Variants in MANSC4 observed in about 807,000 individuals in gnomAD.
MANSC4 encodes MANSC domain containing 4.
A neutral mutation model predicts 11.4 loss-of-function variants in MANSC4; 11 were observed. The ratio of observed to expected loss-of-function variants is 0.97; its 90% CI spans 0.61 to 1.60. The LOEUF (loss-of-function observed/expected upper bound fraction) is 1.60. MANSC4 is among the 40% of genes most tolerant of loss of function. MANSC4 has a pLI of 0.00. For missense variants in MANSC4, 354 were observed against 404.6 expected, an observed-to-expected ratio of 0.88 and a Z score of 1.07; for synonymous variants, 123 against 147.1, an observed-to-expected ratio of 0.84 and a Z score of 1.19.
Position 27,778,269 on chromosome 12 carries a change from A to G in MANSC4, c.-307+1941T>C, listed in dbSNP as rs548624019. 1.4e-4 allele frequency among the ~76,000 whole-genome samples: 22 copies of G among 152,042 alleles called. No homozygotes were observed. In the South Asian group the frequency reaches 4.2e-3, roughly 29 times the overall value. ...ATTTTTTTTTCTAAAAAATAAAAAG[A>G]TAAACCTCCTTTCCCAAGTAATAAT... is the stretch of plus-strand genomic sequence containing the variant. On this transcript the variant is annotated intron_variant, in intron 1 of 3. Transcript: ENST00000381273.
rs562650215 is a variant in MANSC4, at chr12:27,766,024, C to G, written c.364+641G>C. Among the ~76,000 whole-genome samples, 362 of 151,856 alleles carry G rather than the reference C, an allele frequency of 2.4e-3. 1 individual carries two copies. Among genetic ancestry groups the G allele is most frequent in the South Asian group, 0.011 (52 of 4,802 alleles). The stretch of plus-strand genomic sequence containing the variant: ...CAGTGTCCATGGCCCTCAAAACTTC[C>G]ATTTAGCATTTTCTTTATCTCCTAG... On this transcript the variant is annotated intron_variant, in intron 3 of 3. Coordinates refer to ENST00000381273, the MANE Select transcript of MANSC4 (RefSeq NM_001146221.5).
At chr12:27,770,862 G>A (rs530226334) in intron 2 of MANSC4, among the ~76,000 whole-genome samples, 186 bp downstream of exon 2, 1 of 152,296 alleles carries the variant, frequency 6.6e-6, no homozygotes, top group South Asian at 2.1e-4. Flanking sequence ...AATAGAGCCT[G>A]CTGTGGCCCA....
chr12:27,774,545 T>C (rs1376502313), intron 1 of MANSC4, among the ~76,000 whole-genome samples: 1 of 152,216 alleles, frequency 6.6e-6, no homozygotes, highest in Non-Finnish European at 1.5e-5. Context: ...TTTCTGGATA[T>C]TGTTATTTAA....
intron 1 of MANSC4, among the ~76,000 whole-genome samples, chr12:27,772,359 C>T (rs1001056456): frequency 1.3e-5 from 2 of 152,192 alleles, no homozygotes; most frequent in Non-Finnish European, 2.9e-5. Flanking sequence ...AATCTGTGAT[C>T]CGTATTTCTT....
intron 1 of MANSC4, among the ~76,000 whole-genome samples, chr12:27,777,203 T>G (rs2062122331): frequency 6.6e-6 from 1 of 152,194 alleles, no homozygotes; most frequent in East Asian, 1.9e-4. Context: ...TGCACATCAT[T>G]CTTTGAGCAT....
chr12:27,769,413 G>T (rs967712999), intron 2 of MANSC4, among the ~76,000 whole-genome samples: 1 of 152,160 alleles, frequency 6.6e-6, no homozygotes, highest in Non-Finnish European at 1.5e-5. Context: ...TGTTCTGAAG[G>T]AAGAAAGCCA....
At position 27,766,317 on chromosome 12, in the gene MANSC4, T is replaced by C. The variant is rs182507566; in HGVS notation, c.364+348A>G. 5.6e-3 allele frequency among the ~76,000 whole-genome samples: 848 copies of C among 152,224 alleles called. 7 individuals carry two copies. The highest frequency in any genetic ancestry group is 0.018 in the African/African-American group (764 of 41,548). ...TCTTGACCTTGTGATCTGCCCACCT[T>C]GGCCTCCCAAAGTGCTGGGATTACA... On this transcript the variant is annotated intron_variant, in intron 3 of 3. Transcript: ENST00000381273.
At chr12:27,766,273 G>T (rs755835185) in intron 3 of MANSC4, among the ~76,000 whole-genome samples, 1 of 152,158 alleles carries the variant, frequency 6.6e-6, no homozygotes, top group East Asian at 1.9e-4. Flanking sequence ...TCACCATGTT[G>T]GCCAGGATGT....
intron 1 of MANSC4, among the ~76,000 whole-genome samples, chr12:27,774,179 C>A (rs1047957433): frequency 1.1e-4 from 16 of 151,566 alleles, no homozygotes; most frequent in Admixed American, 5.3e-4. Flanking sequence ...AAAAAAAAAA[C>A]CCCAGAAATA....
intron 1 of MANSC4, among the ~76,000 whole-genome samples, chr12:27,774,211 G>T (rs11049139): frequency 0.16 from 24,534 of 151,892 alleles, 2,538 homozygotes; most frequent in Non-Finnish European, 0.23. Context: ...GGAATATTGA[G>T]GAACTGAAAA....
rs575725311 is a variant in MANSC4, at chr12:27,762,642, C to T, written c.*96G>A. The T allele has an allele frequency of 4.8e-5, 59 of 1,222,662 alleles. No homozygotes were observed. Among genetic ancestry groups the T allele is most frequent in the Middle Eastern group, 2.8e-4 (1 of 3,518 alleles). The allele number at this position is 1,222,662 out of a possible 1,614,324, so 75.7% of individuals were successfully genotyped here. On this transcript the variant is annotated 3_prime_UTR_variant, in exon 4 of 4. Coordinates refer to ENST00000381273, the MANE Select transcript of MANSC4 (RefSeq NM_001146221.5). ...TTGGGATTACAGGCATGAACCACCACGCCCAGCCTATTTTTTTTTTTTAAC... is the reference window on the plus strand; with the variant it reads ...TTGGGATTACAGGCATGAACCACCATGCCCAGCCTATTTTTTTTTTTTAAC...
chr12:27,771,384 G>A lies in MANSC4; in HGVS notation c.-108C>T, dbSNP rs1310898372. The A allele has an allele frequency of 1.1e-6, 1 of 935,706 alleles. No homozygotes were observed. The highest frequency in any genetic ancestry group is 1.6e-6 in the Non-Finnish European group (1 of 633,272). The allele number at this position is 935,706 out of a possible 1,614,324, so 58.0% of individuals were successfully genotyped here. On this transcript the variant is annotated 5_prime_UTR_variant, in exon 2 of 4. Coordinates refer to ENST00000381273, the MANE Select transcript of MANSC4 (RefSeq NM_001146221.5). ...ACGTCAGAGGTGTTGTTAAGGGAGA[G>A]CTTCCTTGCAGCTTTTCTGGAGAGT... is the stretch of plus-strand genomic sequence containing the variant.
chr12:27,778,119 G>A lies in MANSC4; in HGVS notation c.-307+2091C>T, dbSNP rs540423546. On this transcript the variant is annotated intron_variant, in intron 1 of 3. Coordinates refer to ENST00000381273, the MANE Select transcript of MANSC4 (RefSeq NM_001146221.5). ...TCATGCCTGGAATCCCAGCTACTCC[G>A]GAGGCTGAGGCAGGAGAATCACTTG... Among the ~76,000 whole-genome samples the A allele has an allele frequency of 9.1e-4, 138 of 151,870 alleles. 1 individual carries two copies. Among genetic ancestry groups the A allele is most frequent in the Middle Eastern group, 3.4e-3 (1 of 292 alleles).
chr12:27,780,230 G>A lies in MANSC4; in HGVS notation c.-327C>T, dbSNP rs575826009. On this transcript the variant is annotated 5_prime_UTR_variant, in exon 1 of 4. Transcript: ENST00000381273. This position sits in a 1 kb window ranked among gnomAD's most constrained non-coding sequence, Gnocchi z 8.8. ...CTCACCTCGCCGCTCCTCCCGGGCCGCCATCCCTCGGCGCCCCGCCCGGAA... is the reference window on the plus strand; with the variant it reads ...CTCACCTCGCCGCTCCTCCCGGGCCACCATCCCTCGGCGCCCCGCCCGGAA... 1.2e-3 allele frequency: 1,422 copies of A among 1,169,924 alleles called. 17 individuals carry two copies. The African/African-American group carries it at 0.021, about 17-fold the overall frequency. 72.5% of individuals were successfully genotyped at this position (1,169,924 alleles called of 1,614,324 possible). A position where few individuals can be genotyped will look rare whatever the true frequency, so the allele number is the denominator to read the frequency against.
intron 3 of MANSC4, among the ~76,000 whole-genome samples, chr12:27,764,408 G>A (rs1034033774): frequency 3.9e-5 from 6 of 152,128 alleles, no homozygotes; most frequent in South Asian, 2.1e-4. Context: ...TGATGCTGCC[G>A]GCCACCTTCT....
intron 2 of MANSC4, among the ~76,000 whole-genome samples, chr12:27,767,693 G>A (rs1054411187): frequency 4.0e-5 from 6 of 151,642 alleles, no homozygotes; most frequent in East Asian, 1.9e-4. Context: ...GCGAAACTCC[G>A]TCTCAACAAC....
At chr12:27,767,817 G>A (rs749851387) in intron 2 of MANSC4, among the ~76,000 whole-genome samples, 2 of 152,136 alleles carry the variant, frequency 1.3e-5, no homozygotes, top group African/African-American at 2.4e-5. Context: ...GAAAATACAC[G>A]GACAAATGCT....
At chr12:27,769,272 G>C (rs1039888246) in intron 2 of MANSC4, among the ~76,000 whole-genome samples, 9 of 152,224 alleles carry the variant, frequency 5.9e-5, no homozygotes, top group African/African-American at 2.2e-4. Context: ...AGTTGATTCT[G>C]CAGAGGACAA....
rs1401719934 is a variant in MANSC4, at chr12:27,771,349, A to C, written c.-73T>G. 1 of 1,342,490 alleles carries C rather than the reference A, an allele frequency of 7.4e-7. No individual in the cohort carries two copies. Among genetic ancestry groups the C allele is most frequent in the Non-Finnish European group, 1.0e-6 (1 of 982,222 alleles). The allele number at this position is 1,342,490 out of a possible 1,614,324, so 83.2% of individuals were successfully genotyped here. On this transcript the variant is annotated 5_prime_UTR_variant, in exon 2 of 4. Transcript: ENST00000381273. ...GAAGCTGAACACTGGAGTTTAGGAC[A>C]GTCTCTGGAACGTCAGAGGTGTTGT...
Sources: gnomAD v4.1 joint callset for allele counts (sites outside exome capture counted in the v4.1 genomes callset) on GRCh38, gnomAD v4.1.1 for gene constraint, Gnocchi (gnomAD v3.1) non-coding constraint, MANE v1.5 for transcripts, NCBI Gene and HGNC (gene_info 2026-07-23, HGNC 2026-07-21) for gene names.